Variants in CAST observed in about 807,000 individuals in gnomAD.
The protein encoded by CAST is MIR583 host.
CAST carries 76 observed loss-of-function variants against 119.6 expected under a neutral mutation model. The observed-to-expected ratio is 0.64, with a 90% CI of 0.53 to 0.77. The LOEUF (loss-of-function observed/expected upper bound fraction) is 0.77. Ranked by LOEUF, CAST falls within the 30% of genes least tolerant of loss-of-function variation. The probability of loss-of-function intolerance (pLI) is 0.00; values close to 1 mark genes in which losing one functional copy is unlikely to be tolerated. For missense variants in CAST, 953 were observed against 946.5 expected (o/e 1.01, Z -0.09); for synonymous variants, 319 against 331.6 (o/e 0.96, Z 0.41).
chr5:96,711,738 G>C (rs1489286058), intron 3 of CAST, among the ~76,000 whole-genome samples: 1 of 152,188 alleles, frequency 6.6e-6, no homozygotes, highest in Non-Finnish European at 1.5e-5. Flanking sequence ...AAATAACTGA[G>C]AGGGGAATTT....
the CAST span, among the ~76,000 whole-genome samples, chr5:96,128,366 C>T: frequency 6.6e-6 from 1 of 152,046 alleles, no homozygotes; most frequent in African/African-American, 2.4e-5. Context: ...GATGTTTCCT[C>T]GGCCCTGGAC....
At chr5:95,989,010 AT>A in the CAST span, among the ~76,000 whole-genome samples, 7 of 152,200 alleles carry the variant, frequency 4.6e-5, no homozygotes, top group Non-Finnish European at 1.0e-4. Context: ...TTAAAAGAAC[AT>A]TTATAGTTCC....
the CAST span, among the ~76,000 whole-genome samples, chr5:96,246,814 T>C: frequency 1.3e-5 from 2 of 152,342 alleles, no homozygotes; most frequent in East Asian, 3.9e-4. Context: ...TAAGTGACCA[T>C]GTACCTTAAA....
At chr5:96,309,821 C>T in the CAST span, among the ~76,000 whole-genome samples, 3 of 152,230 alleles carry the variant, frequency 2.0e-5, no homozygotes, top group African/African-American at 7.2e-5. Context: ...AACTGGGTAC[C>T]TCAGTTTGAA....
At chr5:96,121,454 C>T in the CAST span, among the ~76,000 whole-genome samples, 2 of 151,430 alleles carry the variant, frequency 1.3e-5, no homozygotes, top group African/African-American at 2.4e-5. Context: ...CTAACTCCAC[C>T]CAGTATTTGA....
At chr5:96,251,938 G>T in the CAST span, among the ~76,000 whole-genome samples, 1 of 152,082 alleles carries the variant, frequency 6.6e-6, no homozygotes. Context: ...CAATCTTTAC[G>T]TTCAGTTAGA....
At chr5:96,270,559 A>C in the CAST span, among the ~76,000 whole-genome samples, 1 of 152,308 alleles carries the variant, frequency 6.6e-6, no homozygotes, top group East Asian at 1.9e-4. Flanking sequence ...CTTTGCGGGG[A>C]CATGGATGGA....
chr5:96,087,301 G>A, the CAST span, among the ~76,000 whole-genome samples: 15 of 152,198 alleles, frequency 9.9e-5, no homozygotes, highest in Non-Finnish European at 2.1e-4. Flanking sequence ...AGAACTAAGA[G>A]TGTGTGTGCA....
the CAST span, among the ~76,000 whole-genome samples, chr5:96,359,846 G>A: frequency 5.9e-5 from 9 of 151,996 alleles, no homozygotes; most frequent in South Asian, 2.1e-4. Context: ...ACTTTGTGGC[G>A]TTCTCTGTAT....
intron 2 of CAST, among the ~76,000 whole-genome samples, chr5:96,684,720 G>A (rs889673657): frequency 9.9e-5 from 15 of 151,846 alleles, no homozygotes; most frequent in Admixed American, 5.9e-4. Flanking sequence ...ATGCCACCAC[G>A]CCCAAATAAC....
At chr5:96,656,748 A>G (rs1748163567) in intron 1 of CAST, among the ~76,000 whole-genome samples, 2 of 152,280 alleles carry the variant, frequency 1.3e-5, no homozygotes, top group African/African-American at 4.8e-5. Flanking sequence ...GGGAGCCATG[A>G]TGGGATCTGG....
At chr5:96,330,204 AAACCAT>A in the CAST span, among the ~76,000 whole-genome samples, 69 of 152,336 alleles carry the variant, frequency 4.5e-4, no homozygotes, top group African/African-American at 1.3e-3. Context: ...GTTTTTTAAA[AAACCAT>A]TTAAAAAGAC....
chr5:96,627,636 T>C (rs1204195535), intron 1 of CAST, among the ~76,000 whole-genome samples: 1 of 152,230 alleles, frequency 6.6e-6, no homozygotes, highest in African/African-American at 2.4e-5. Flanking sequence ...GAATACTTCC[T>C]TAACAAACTC....
chr5:96,467,858 G>C, the CAST span, among the ~76,000 whole-genome samples: 9 of 152,012 alleles, frequency 5.9e-5, no homozygotes, highest in African/African-American at 1.9e-4. Flanking sequence ...TAGATCTACT[G>C]TTCGATCCAG....
chr5:96,308,241 A>G, the CAST span, among the ~76,000 whole-genome samples: 1 of 151,486 alleles, frequency 6.6e-6, no homozygotes, highest in Non-Finnish European at 1.5e-5. Context: ...TGCTTGGTCA[A>G]TTCGGCTATT....
At chr5:96,061,587 G>C in the CAST span, among the ~76,000 whole-genome samples, 2 of 152,010 alleles carry the variant, frequency 1.3e-5, no homozygotes, top group African/African-American at 4.8e-5. Context: ...CTCAGAGGTA[G>C]AGTGACGTTG....
At chr5:96,616,931 A>G (rs1747469482) in intron 1 of CAST, among the ~76,000 whole-genome samples, 1 of 151,984 alleles carries the variant, frequency 6.6e-6, no homozygotes, top group Admixed American at 6.6e-5. Flanking sequence ...TGGTTCTCTC[A>G]TGGCAGGGCA....
At chr5:96,257,976 G>A in the CAST span, among the ~76,000 whole-genome samples, 2 of 152,160 alleles carry the variant, frequency 1.3e-5, no homozygotes, top group Non-Finnish European at 2.9e-5. Context: ...ATGTGATCAT[G>A]AGTAGGCAGA....
the CAST span, among the ~76,000 whole-genome samples, chr5:96,146,874 G>C: frequency 6.6e-6 from 1 of 152,204 alleles, no homozygotes; most frequent in Non-Finnish European, 1.5e-5. Flanking sequence ...GAAGAAAAGG[G>C]AAGAGAGTGA....
Sources: gnomAD v4.1 joint callset for allele counts (sites outside exome capture counted in the v4.1 genomes callset) on GRCh38, gnomAD v4.1.1 for gene constraint, MANE v1.5 for transcripts, NCBI Gene and HGNC (gene_info 2026-07-23, HGNC 2026-07-21) for gene names.